Variants in NOTCH3 observed in about 807,000 individuals in gnomAD.
NOTCH3 encodes neurogenic locus notch homolog protein 3.
NOTCH3 carries 86 observed loss-of-function variants against 213.3 expected under a neutral mutation model. The observed-to-expected ratio is 0.40, with a 90% CI of 0.34 to 0.48. The LOEUF (loss-of-function observed/expected upper bound fraction) is 0.48. Among genes scored for constraint, NOTCH3 ranks in the 20% least tolerant of loss-of-function variants. NOTCH3 has a pLI of 0.57. For synonymous variants in NOTCH3, 1,354 were observed against 1,355.9 expected (o/e 1.00, Z 0.03); for missense variants, 2,783 against 3,272.6 (o/e 0.85, Z 3.65).
rs2046758252 is a variant in NOTCH3, at chr19:15,173,603, G to A, written c.4736+465C>T. Reference sequence around the variant, plus strand: ...AAATTAGCCCGGTGTGGTGGTGGATGCCTGTAATCCCAGCTACTCTGGAGG... The same window carrying A: ...AAATTAGCCCGGTGTGGTGGTGGATACCTGTAATCCCAGCTACTCTGGAGG... On this transcript the variant is annotated intron_variant, in intron 25 of 32. Coordinates refer to ENST00000263388, the MANE Select transcript of NOTCH3 (RefSeq NM_000435.3). Among the ~76,000 whole-genome samples the A allele has an allele frequency of 2.0e-5, 3 of 151,436 alleles. No homozygotes were observed. The East Asian group carries it at 5.8e-4, about 29-fold the overall frequency.
rs2145381760 is a variant in NOTCH3 at position 15,161,255 on chromosome 19, C to T, written c.6373G>A (p.Gly2125Arg). Residue 2125 changes from glycine to arginine, a missense_variant, in exon 33 of 33, where the codon GGG becomes AGG. By Grantham distance (125) the Gly-to-Arg change is moderately radical (BLOSUM62 -2). Around this residue, in one of 6 missense-constraint regions of NOTCH3, gnomAD observed 441 missense variants for 432.1 expected, o/e 1.02. Transcript: ENST00000263388. ...GTGGCAGTGGCAGCTGCATAGGGCC[C>T]CTCAAGGGGGAAGCCACCAGGGGAA... ...PASPGGFPLE[G>R]PYAAATATAV... The T allele has an allele frequency of 6.5e-7, 1 of 1,545,776 alleles. No homozygotes were observed. The highest frequency in any genetic ancestry group is 2.3e-5 in the East Asian group (1 of 42,940).
At position 15,187,966 on chromosome 19, in the gene NOTCH3, G is replaced by A. The variant is rs1367302020; in HGVS notation, c.1521C>T (p.Asp507=). The change falls in exon 10 of 33, where the codon GAC becomes GAT. Residue 507 remains aspartate, a synonymous_variant. Coordinates refer to ENST00000263388, the MANE Select transcript of NOTCH3 (RefSeq NM_000435.3). The part of the protein sequence containing the change: ...SGFSGSTCQL[D]VDECASTPCR... Reference sequence around the variant, plus strand: ...AGGGCGTGCTGGCGCATTCGTCCACGTCCAGCTGACACGTGGAGCCGCTGA... The same window carrying A: ...AGGGCGTGCTGGCGCATTCGTCCACATCCAGCTGACACGTGGAGCCGCTGA... 2 of 1,550,934 alleles carry A rather than the reference G, an allele frequency of 1.3e-6. No homozygotes were observed. The highest frequency in any genetic ancestry group is 2.4e-5 in the South Asian group (2 of 84,028).
chr19:15,174,506 G>T, intron 24 of NOTCH3, 106 bp from the exon 25 acceptor site: 1 of 816,972 alleles, frequency 1.2e-6, no homozygotes, highest in Non-Finnish European at 1.9e-6. Context: ...GACAAGGCTT[G>T]CACAGGGGAC....
At position 15,160,359 on chromosome 19, in the gene NOTCH3, A is replaced by C; in HGVS notation, c.*303T>G. 2 of 394,024 alleles carry C rather than the reference A, an allele frequency of 5.1e-6. No homozygotes were observed. Among genetic ancestry groups the C allele is most frequent in the Admixed American group, 4.1e-5 (1 of 24,122 alleles). 24.4% of individuals were successfully genotyped at this position (394,024 alleles called of 1,614,324 possible). On this transcript the variant is annotated 3_prime_UTR_variant, in exon 33 of 33. Transcript: ENST00000263388. ...AATAATTCATTCATGTCAGAGTGTA[A>C]GGAAATGAGAGGCCAGAAGGAGAGA...
intron 10 of NOTCH3, 74 bp from the exon 11 acceptor site, chr19:15,187,412 TG>T: frequency 7.3e-7 from 1 of 1,364,088 alleles, no homozygotes; most frequent in Non-Finnish European, 1.0e-6. Flanking sequence ...GGACCAATCC[TG>T]GTTCAGCTCT....
chr19:15,177,958 A>G lies in NOTCH3; in HGVS notation c.3970T>C (p.Cys1324Arg), dbSNP rs1486702985. The change falls in exon 24 of 33, where the codon TGC (cysteine) becomes CGC (arginine). Residue 1324 changes from cysteine (C) to arginine (R), a missense_variant. Coordinates refer to ENST00000263388, the MANE Select transcript of NOTCH3 (RefSeq NM_000435.3). ...ACPPGLSGPS[C>R]RSFPGSPPGA... Reference sequence around the variant, plus strand: ...GGCGGCGACCCCGGGAAGCTGCGGCAGGAGGGTCCCGACAACCCTGGGGGG... The same window carrying G: ...GGCGGCGACCCCGGGAAGCTGCGGCGGGAGGGTCCCGACAACCCTGGGGGG... 7.5e-7 allele frequency: 1 copy of G among 1,328,090 alleles called. No homozygotes were observed. Among genetic ancestry groups the G allele is most frequent in the South Asian group, 2.0e-5 (1 of 51,260 alleles). The allele number at this position is 1,328,090 out of a possible 1,614,324, so 82.3% of individuals were successfully genotyped here. A position where few individuals can be genotyped will look rare whatever the true frequency, so the allele number is the denominator to read the frequency against.
In NOTCH3 at chr19:15,161,359, C is replaced by T. The variant is rs2145382274; in HGVS notation, c.6269G>A (p.Gly2090Asp). The T allele has an allele frequency of 1.3e-6, 2 of 1,524,862 alleles. No homozygotes were observed. The allele number at this position is 1,524,862 out of a possible 1,614,324, so 94.5% of individuals were successfully genotyped here. Residue 2090 changes from glycine to aspartate, a missense_variant, in exon 33 of 33, where the codon GGC becomes GAC. Physicochemically the swap from Gly to Asp is moderately conservative, Grantham distance 94 (BLOSUM62 -1). Coordinates refer to ENST00000263388, the MANE Select transcript of NOTCH3 (RefSeq NM_000435.3). Reference protein sequence around the residue: ...RGKKLTLACPGPLADSSVTLS... With the variant: ...RGKKLTLACPDPLADSSVTLS... ...CGTGACCGAGCTGTCAGCCAGGGGG[C>T]CCGGGCAGGCCAGCGTCAGCTTCTT...
Position 15,188,246 on chromosome 19 carries a change from G to T in NOTCH3, c.1481C>A (p.Thr494Asn). The change falls in exon 9 of 33, where the codon ACC (threonine) becomes AAC (asparagine). Residue 494 changes from threonine (T) to asparagine (N), a missense_variant. Coordinates refer to ENST00000263388, the MANE Select transcript of NOTCH3 (RefSeq NM_000435.3). ...CKDRVNGFSC[T>N]CPSGFSGSTC... is the part of the protein sequence containing the mutation. ...CCTGAGGTCCTCACCCGAGGGGCAGGTGCAGCTGAAGCCATTGACTCGGTC... is the reference window on the plus strand; with the variant it reads ...CCTGAGGTCCTCACCCGAGGGGCAGTTGCAGCTGAAGCCATTGACTCGGTC... 1 of 1,598,698 alleles carries T rather than the reference G, an allele frequency of 6.3e-7. No homozygotes were observed. The highest frequency in any genetic ancestry group is 8.5e-7 in the Non-Finnish European group (1 of 1,171,822).
At position 15,160,918 on chromosome 19, in the gene NOTCH3, C is replaced by G. The variant is rs537601286; in HGVS notation, c.6710G>C (p.Arg2237Pro). 6.2e-7 allele frequency: 1 copy of G among 1,607,034 alleles called. No homozygotes were observed. The highest frequency in any genetic ancestry group is 1.7e-5 in the Admixed American group (1 of 59,204). ...CAGGTAAGGGTGCTCACTGGGAACC[C>G]GCAGGAAGCGGGCCTTTGGGGGGCT... ...HSSPPKARFL[R>P]VPSEHPYLTP... The change falls in exon 33 of 33, where the codon CGG becomes CCG. Residue 2237 changes from arginine to proline, a missense_variant. Arg to Pro is a moderately radical substitution (Grantham distance 103). Around this residue, in one of 6 missense-constraint regions of NOTCH3, gnomAD observed 441 missense variants for 432.1 expected, o/e 1.02. Transcript: ENST00000263388.
At chr19:15,190,834 G>A (rs190840540) in intron 6 of NOTCH3, among the ~76,000 whole-genome samples, 88 of 152,164 alleles carry the variant, frequency 5.8e-4, no homozygotes, top group South Asian at 1.0e-3. Flanking sequence ...CAATCTACCC[G>A]CCTGGGCCTC....
chr19:15,170,512 G>A lies in NOTCH3; in HGVS notation c.4933C>T (p.Pro1645Ser), dbSNP rs2145400361. 6.2e-7 allele frequency: 1 copy of A among 1,610,292 alleles called. No individual in the cohort carries two copies. The highest frequency in any genetic ancestry group is 8.5e-7 in the Non-Finnish European group (1 of 1,179,946). ...EPPEPSVPLL[P>S]LLVAGAVLLL... Reference sequence around the variant, plus strand: ...AAGACAGCGCCCGCCACTAGCAGTGGCAGCAGCGGGACGCTGGGTTCTGGA... The same window carrying A: ...AAGACAGCGCCCGCCACTAGCAGTGACAGCAGCGGGACGCTGGGTTCTGGA... The change falls in exon 27 of 33, where the codon CCA (proline) becomes TCA (serine). Residue 1645 changes from proline to serine, a missense_variant. Physicochemically the swap from Pro to Ser is moderately conservative, Grantham distance 74. Transcript: ENST00000263388.
chr19:15,160,453 G>A lies in NOTCH3; in HGVS notation c.*209C>T. ...AGACTCTTCACAAGACTGAGAGGGT[G>A]GGTGGTAGCCCCCACCCATTATAAA... On this transcript the variant is annotated 3_prime_UTR_variant, in exon 33 of 33. Coordinates refer to ENST00000263388, the MANE Select transcript of NOTCH3 (RefSeq NM_000435.3). 1 of 601,766 alleles carries A rather than the reference G, an allele frequency of 1.7e-6. No individual in the cohort carries two copies. Among genetic ancestry groups the A allele is most frequent in the Non-Finnish European group, 3.0e-6 (1 of 336,798 alleles). 37.3% of individuals were successfully genotyped at this position (601,766 alleles called of 1,614,324 possible).
rs929025810 is a variant in NOTCH3, at chr19:15,189,178, C to A, written c.1193-4G>T. On this transcript the variant is annotated splice_region_variant and splice_polypyrimidine_tract_variant and intron_variant, in intron 7 of 32. Coordinates refer to ENST00000263388, the MANE Select transcript of NOTCH3 (RefSeq NM_000435.3). The stretch of plus-strand genomic sequence containing the variant: ...AAGTGCTCGCAGGGGTTGGCGCCTG[C>A]CGGATGGAGTGCGATCGGTGTGGGC... 2 of 1,613,336 alleles carry A rather than the reference C, an allele frequency of 1.2e-6. No individual in the cohort carries two copies. The highest frequency in any genetic ancestry group is 8.5e-7 in the Non-Finnish European group (1 of 1,180,046).
chr19:15,192,644 G>C, intron 2 of NOTCH3, 125 bp from the exon 3 acceptor site: 1 of 1,357,778 alleles, frequency 7.4e-7, no homozygotes. Flanking sequence ...GCTGGGAGCA[G>C]TGGCTCACGC....
At chr19:15,169,491 T>A (rs1381764229) in intron 28 of NOTCH3, among the ~76,000 whole-genome samples, 2 of 151,834 alleles carry the variant, frequency 1.3e-5, no homozygotes, top group East Asian at 1.9e-4. Context: ...TGCCTCAGCC[T>A]CCCAAGTAGC....
intron 2 of NOTCH3, among the ~76,000 whole-genome samples, chr19:15,193,786 AC>A (rs374276400): frequency 0.37 from 41,393 of 112,950 alleles, 12,986 homozygotes; most frequent in Non-Finnish European, 0.51. Context: ...AAAACAAAAA[AC>A]AAAAAAAACA....
chr19:15,188,213 C>T, intron 9 of NOTCH3, 22 bp downstream of exon 9: 4 of 1,541,802 alleles, frequency 2.6e-6, no homozygotes, highest in South Asian at 2.3e-5. Flanking sequence ...TCTTTTCGGG[C>T]TCCCTCTCCT....
At chr19:15,181,536 A>C in intron 17 of NOTCH3, 40 bp downstream of exon 17, 1 of 1,522,056 alleles carries the variant, frequency 6.6e-7, no homozygotes, top group Non-Finnish European at 8.9e-7. Flanking sequence ...GCCCCATCCC[A>C]AGCCAGAGTC....
In NOTCH3 at chr19:15,184,305, G is replaced by C; in HGVS notation, c.2556C>G (p.Asp852Glu). 1.2e-6 allele frequency: 2 copies of C among 1,613,948 alleles called. No homozygotes were observed. The change falls in exon 16 of 33, where the codon GAC (aspartate) becomes GAG (glutamate). Residue 852 changes from aspartate (D) to glutamate (E), a missense_variant. Transcript: ENST00000263388. ...CTCCCCTGCACTCACTGGGGTCACA[G>C]TCATTGATGTCCTGATCGCAGGAAG... ...TGPSCDQDIN[D>E]CDPNPCLNGG...
Sources: gnomAD v4.1 joint callset for allele counts (sites outside exome capture counted in the v4.1 genomes callset) on GRCh38, gnomAD v4.1.1 for gene constraint, gnomAD v4.1.1 regional missense constraint, MANE v1.5 for transcripts, NCBI Gene and HGNC (gene_info 2026-07-23, HGNC 2026-07-21) for gene names.